The following SGCZ variants were observed in gnomAD, a reference collection of about 807,000 sequenced individuals.
The protein encoded by SGCZ is sarcoglycan zeta, also known as zeta-sarcoglycan.
SGCZ carries 40 observed loss-of-function variants against 41.3 expected under a neutral mutation model. That is an observed-to-expected ratio of 0.97 (90% CI 0.75 to 1.26). The LOEUF (loss-of-function observed/expected upper bound fraction) is 1.26. Ranked by LOEUF, SGCZ falls within the 50% of genes most tolerant of loss-of-function variation. The probability of loss-of-function intolerance (pLI) is 0.00; values close to 1 mark genes in which losing one functional copy is unlikely to be tolerated. For missense variants in SGCZ, 552 were observed against 369.8 expected (o/e 1.49, Z -4.04); for synonymous variants, 206 against 137.5 (o/e 1.50, Z -3.49).
chr8:14,298,079 A>G (rs552995877), intron 3 of SGCZ, among the ~76,000 whole-genome samples: 1 of 152,154 alleles, frequency 6.6e-6, no homozygotes, highest in South Asian at 2.1e-4. Context: ...TATAATTCAT[A>G]ATATTACAGA....
intron 1 of SGCZ, among the ~76,000 whole-genome samples, chr8:14,601,881 G>A (rs1425468033): frequency 2.6e-5 from 4 of 152,154 alleles, no homozygotes; most frequent in African/African-American, 9.7e-5. Context: ...AGCACTTTGG[G>A]TGGCCGAGGC....
intron 2 of SGCZ, among the ~76,000 whole-genome samples, chr8:14,508,518 A>G (rs1025313315): frequency 6.6e-6 from 1 of 152,128 alleles, no homozygotes; most frequent in Non-Finnish European, 1.5e-5. Flanking sequence ...CCAGTCTGCC[A>G]CTTGAACTAG....
intron 3 of SGCZ, among the ~76,000 whole-genome samples, chr8:14,242,603 T>C (rs561617139): frequency 6.6e-6 from 1 of 152,338 alleles, no homozygotes. Flanking sequence ...CTCCCTCTGT[T>C]GACGGCAATG....
chr8:14,811,557 C>G (rs1480733620), intron 1 of SGCZ, among the ~76,000 whole-genome samples: 1 of 113,326 alleles, frequency 8.8e-6, no homozygotes, highest in Non-Finnish European at 1.7e-5. Context: ...CGGAATCACA[C>G]TCCACTCCTT....
intron 1 of SGCZ, among the ~76,000 whole-genome samples, chr8:14,883,554 G>A (rs553893293): frequency 6.6e-6 from 1 of 152,090 alleles, no homozygotes; most frequent in South Asian, 2.1e-4. Context: ...GAATTCACTT[G>A]TCCAAGATCA....
intron 1 of SGCZ, among the ~76,000 whole-genome samples, chr8:14,825,148 T>C (rs1802257122): frequency 6.6e-6 from 1 of 152,172 alleles, no homozygotes; most frequent in Non-Finnish European, 1.5e-5. Context: ...TAAATTGATA[T>C]TTCATGGAGC....
At chr8:14,792,732 T>C (rs1232048483) in intron 1 of SGCZ, among the ~76,000 whole-genome samples, 1 of 151,972 alleles carries the variant, frequency 6.6e-6, no homozygotes, top group African/African-American at 2.4e-5. Context: ...ATACCCCCTT[T>C]CTCTTTAAGC....
At chr8:14,882,390 C>T (rs1313501389) in intron 1 of SGCZ, among the ~76,000 whole-genome samples, 2 of 152,168 alleles carry the variant, frequency 1.3e-5, no homozygotes, top group African/African-American at 4.8e-5. Context: ...ATTTTCACAA[C>T]ATGCCTATCA....
intron 1 of SGCZ, among the ~76,000 whole-genome samples, chr8:14,821,552 T>C (rs781292213): frequency 1.1e-4 from 16 of 151,906 alleles, no homozygotes; most frequent in Non-Finnish European, 2.9e-5. Flanking sequence ...TGAACATAGA[T>C]GTAAAAATTA....
At chr8:14,776,660 AT>A (rs1800412358) in intron 1 of SGCZ, among the ~76,000 whole-genome samples, 1 of 151,446 alleles carries the variant, frequency 6.6e-6, no homozygotes, top group South Asian at 2.1e-4. Context: ...CGCCCAGCTA[AT>A]TTTTTGTATT....
intron 1 of SGCZ, among the ~76,000 whole-genome samples, chr8:15,208,379 G>A (rs1333718769): frequency 6.6e-6 from 1 of 152,150 alleles, no homozygotes; most frequent in Non-Finnish European, 1.5e-5. Flanking sequence ...CTGGTAATCT[G>A]TTCTAATGAC....
intron 1 of SGCZ, among the ~76,000 whole-genome samples, chr8:14,794,085 A>G (rs1197103965): frequency 6.6e-6 from 1 of 152,146 alleles, no homozygotes; most frequent in Non-Finnish European, 1.5e-5. Context: ...AGAAGCCTAC[A>G]AAGATCATCT....
intron 2 of SGCZ, among the ~76,000 whole-genome samples, chr8:14,370,496 G>A (rs935757663): frequency 5.9e-5 from 9 of 151,878 alleles, no homozygotes; most frequent in Admixed American, 3.3e-4. Context: ...TGAAAAGTGT[G>A]TTGTAATCCA....
chr8:15,182,441 A>G (rs1035076934), intron 1 of SGCZ, among the ~76,000 whole-genome samples: 72 of 152,238 alleles, frequency 4.7e-4, no homozygotes, highest in African/African-American at 1.7e-3. Context: ...AATAAATGGT[A>G]CAGCCTATTA....
intron 2 of SGCZ, among the ~76,000 whole-genome samples, chr8:14,528,664 T>C (rs1803026185): frequency 6.6e-6 from 1 of 151,898 alleles, no homozygotes; most frequent in Admixed American, 6.6e-5. Flanking sequence ...CATTAATCAC[T>C]TATATGAGAA....
chr8:14,525,442 G>A (rs935445590), intron 2 of SGCZ, among the ~76,000 whole-genome samples: 6 of 152,022 alleles, frequency 3.9e-5, no homozygotes, highest in African/African-American at 1.4e-4. Context: ...GTTATACTTT[G>A]TTTTCATCTT....
At chr8:14,269,623 T>A (rs929762948) in intron 3 of SGCZ, among the ~76,000 whole-genome samples, 1 of 152,126 alleles carries the variant, frequency 6.6e-6, no homozygotes, top group Non-Finnish European at 1.5e-5. Context: ...GGGTCATTGA[T>A]CTCCATGTCA....
At chr8:14,444,863 T>C (rs185507295) in intron 2 of SGCZ, among the ~76,000 whole-genome samples, 23 of 152,276 alleles carry the variant, frequency 1.5e-4, no homozygotes, top group Admixed American at 1.2e-3. Context: ...ATCAAAGTTT[T>C]GAAATGACTG....
intron 1 of SGCZ, among the ~76,000 whole-genome samples, chr8:14,733,188 C>A (rs1405664952): frequency 6.6e-6 from 1 of 152,110 alleles, no homozygotes; most frequent in Non-Finnish European, 1.5e-5. Context: ...TCCCTAACTG[C>A]CCCAGGGCCA....
Sources: gnomAD v4.1 joint callset for allele counts (sites outside exome capture counted in the v4.1 genomes callset) on GRCh38, gnomAD v4.1.1 for gene constraint, MANE v1.5 for transcripts, NCBI Gene and HGNC (gene_info 2026-07-23, HGNC 2026-07-21) for gene names.